The following UNC13C variants were observed in gnomAD, a reference collection of about 807,000 sequenced individuals.
The protein encoded by UNC13C is unc-13 homolog C.
UNC13C carries 174 observed loss-of-function variants against 245.4 expected under a neutral mutation model. That is an observed-to-expected ratio of 0.71 (90% CI 0.63 to 0.80). The LOEUF (loss-of-function observed/expected upper bound fraction) is 0.80, where lower values mean the gene tolerates loss of function less well. Among genes scored for constraint, UNC13C ranks in the 30% least tolerant of loss-of-function variants. The probability of loss-of-function intolerance (pLI) is 0.00; values close to 1 mark genes in which losing one functional copy is unlikely to be tolerated. For synonymous variants in UNC13C, 992 were observed against 895.1 expected (o/e 1.11, Z -1.93); for missense variants, 2,829 against 2,602.9 (o/e 1.09, Z -1.89).
At chr15:54,308,521 G>A (rs1031718644) in intron 13 of UNC13C, among the ~76,000 whole-genome samples, 4 of 151,502 alleles carry the variant, frequency 2.6e-5, no homozygotes, top group Non-Finnish European at 4.4e-5. Flanking sequence ...ACACTTCCAC[G>A]CTGTTAGCAT....
chr15:54,080,854 C>T (rs997625711), intron 2 of UNC13C, among the ~76,000 whole-genome samples: 2 of 151,816 alleles, frequency 1.3e-5, no homozygotes, highest in Non-Finnish European at 2.9e-5. Context: ...GCTAACTTTG[C>T]ATTTGGTTAG....
chr15:53,900,938 A>G, the UNC13C span, among the ~76,000 whole-genome samples: 4 of 151,986 alleles, frequency 2.6e-5, no homozygotes, highest in Non-Finnish European at 5.9e-5. Flanking sequence ...CCTTTTCAAC[A>G]TTAGTCTTGA....
intron 19 of UNC13C, among the ~76,000 whole-genome samples, chr15:54,473,638 A>G (rs1297424216): frequency 6.6e-6 from 1 of 151,930 alleles, no homozygotes; most frequent in Admixed American, 6.6e-5. Context: ...CTCTGGTTCC[A>G]TCTATGTTGC....
chr15:54,147,693 A>G (rs2032325954), intron 4 of UNC13C, among the ~76,000 whole-genome samples: 1 of 113,646 alleles, frequency 8.8e-6, no homozygotes, highest in African/African-American at 3.1e-5. Flanking sequence ...AATTATAAGA[A>G]GCATCACAAG....
chr15:53,869,179 T>C, the UNC13C span, among the ~76,000 whole-genome samples: 2 of 152,166 alleles, frequency 1.3e-5, no homozygotes, highest in Non-Finnish European at 2.9e-5. Flanking sequence ...TGGATCATGA[T>C]CTGGGATTTG....
chr15:54,194,596 G>A (rs921496903), intron 4 of UNC13C, among the ~76,000 whole-genome samples: 12 of 145,982 alleles, frequency 8.2e-5, no homozygotes, highest in East Asian at 2.1e-4. Flanking sequence ...TTGAATAAAC[G>A]TTGCTTCAAA....
At chr15:54,498,462 C>T (rs1213378314) in intron 20 of UNC13C, among the ~76,000 whole-genome samples, 1 of 151,932 alleles carries the variant, frequency 6.6e-6, no homozygotes, top group African/African-American at 2.4e-5. Flanking sequence ...GTAAAAATTA[C>T]AAAATATTTT....
chr15:54,529,557 A>C (rs1895641529), intron 25 of UNC13C, among the ~76,000 whole-genome samples: 1 of 152,216 alleles, frequency 6.6e-6, no homozygotes, highest in African/African-American at 2.4e-5. Context: ...TGATTGGCAC[A>C]TAATAGTTTA....
At chr15:54,103,189 C>T (rs1900254916) in intron 2 of UNC13C, among the ~76,000 whole-genome samples, 1 of 152,196 alleles carries the variant, frequency 6.6e-6, no homozygotes, top group Non-Finnish European at 1.5e-5. Context: ...AACACACACA[C>T]ACTCTCTCAC....
chr15:54,424,066 A>G (rs1377023250), intron 19 of UNC13C, among the ~76,000 whole-genome samples: 1 of 151,888 alleles, frequency 6.6e-6, no homozygotes, highest in Non-Finnish European at 1.5e-5. Flanking sequence ...TAAAGAGGAT[A>G]AAATTATTCA....
chr15:54,548,837 C>A lies in UNC13C; in HGVS notation c.5821-798C>A, dbSNP rs768639305. Among the ~76,000 whole-genome samples, 24 of 152,072 alleles carry A rather than the reference C, an allele frequency of 1.6e-4. 1 individual carries two copies. Among genetic ancestry groups the A allele is most frequent in the Admixed American group, 9.2e-4 (14 of 15,256 alleles). On this transcript the variant is annotated intron_variant, in intron 27 of 32. Transcript: ENST00000260323. Reference sequence around the variant, plus strand: ...TTTATTCATTCATTAAATAAATATTCTTTGAGCTCCTACTATGTACTAGGC... The same window carrying A: ...TTTATTCATTCATTAAATAAATATTATTTGAGCTCCTACTATGTACTAGGC...
intron 27 of UNC13C, among the ~76,000 whole-genome samples, chr15:54,548,323 G>A (rs1282310547): frequency 7.2e-6 from 1 of 139,576 alleles, no homozygotes. Flanking sequence ...CCAGGTTCAC[G>A]CCATTCTCCT....
At chr15:54,098,389 G>C (rs899099342) in intron 2 of UNC13C, among the ~76,000 whole-genome samples, 1 of 152,070 alleles carries the variant, frequency 6.6e-6, no homozygotes, top group African/African-American at 2.4e-5. Flanking sequence ...TGGCCAGGCT[G>C]GTCTCAAACT....
intron 28 of UNC13C, among the ~76,000 whole-genome samples, chr15:54,554,194 C>A (rs1349961284): frequency 1.3e-5 from 2 of 151,800 alleles, no homozygotes; most frequent in East Asian, 3.9e-4. Context: ...ATAACAACTG[C>A]CAAAATAGAC....
intron 2 of UNC13C, among the ~76,000 whole-genome samples, chr15:54,020,611 GT>G: frequency 6.6e-6 from 1 of 151,884 alleles, no homozygotes; most frequent in South Asian, 2.1e-4. Context: ...AACAAAAGAT[GT>G]TTTGTCAACC....
intron 22 of UNC13C, among the ~76,000 whole-genome samples, chr15:54,504,324 A>G (rs1567334177): frequency 6.6e-6 from 1 of 152,156 alleles, no homozygotes; most frequent in East Asian, 1.9e-4. Flanking sequence ...ATTTTTAACA[A>G]TAATAATGAT....
At chr15:53,875,257 T>C in the UNC13C span, among the ~76,000 whole-genome samples, 1 of 152,226 alleles carries the variant, frequency 6.6e-6, no homozygotes, top group African/African-American at 2.4e-5. Context: ...AAAAGCAGTG[T>C]TCATGGTAGA....
intron 4 of UNC13C, among the ~76,000 whole-genome samples, chr15:54,148,209 A>G (rs1225499002): frequency 6.6e-6 from 1 of 152,178 alleles, no homozygotes; most frequent in East Asian, 1.9e-4. Flanking sequence ...TCATTTTCAA[A>G]CAGGTACATT....
chr15:54,547,087 A>C (rs571716443), intron 27 of UNC13C, among the ~76,000 whole-genome samples: 1 of 152,322 alleles, frequency 6.6e-6, no homozygotes, highest in South Asian at 2.1e-4. Flanking sequence ...AACATGTATC[A>C]AAGTTCTATT....
Sources: allele counts gnomAD v4.1 joint callset (sites outside exome capture counted in the v4.1 genomes callset), GRCh38; gene constraint gnomAD v4.1.1; transcripts MANE v1.5; gene names NCBI Gene and HGNC (gene_info 2026-07-23, HGNC 2026-07-21).